Variants in RPTOR observed in about 807,000 individuals in gnomAD.
RPTOR encodes regulatory-associated protein of mTOR.
RPTOR carries 21 observed loss-of-function variants against 169.9 expected under a neutral mutation model. The observed-to-expected ratio is 0.12, with a 90% CI of 0.09 to 0.18. The LOEUF is 0.18. RPTOR is among the 10% of genes least tolerant of loss of function. The pLI is 1.00. For missense variants in RPTOR, 1,133 were observed against 1,855.9 expected, an observed-to-expected ratio of 0.61 and a Z score of 7.16; for synonymous variants, 732 against 753.2, an observed-to-expected ratio of 0.97 and a Z score of 0.46.
rs116827268 is a variant in RPTOR, at chr17:80,564,656, T to C, written c.162+18865T>C. Reference sequence around the variant, plus strand: ...CAGGTTTGTTATATAGGTGAACTCATGTCACAGAGGTTTGTGTACAGATTG... The same window carrying C: ...CAGGTTTGTTATATAGGTGAACTCACGTCACAGAGGTTTGTGTACAGATTG... On this transcript the variant is annotated intron_variant, in intron 1 of 33. Transcript: ENST00000306801. Among the ~76,000 whole-genome samples, 1,136 of 150,958 alleles carry C rather than the reference T, an allele frequency of 7.5e-3. 23 individuals carry two copies. Among genetic ancestry groups the C allele is most frequent in the African/African-American group, 0.027 (1,089 of 41,024 alleles).
chr17:80,692,194 C>T (rs909868407), intron 3 of RPTOR, among the ~76,000 whole-genome samples: 3 of 152,294 alleles, frequency 2.0e-5, no homozygotes, highest in African/African-American at 7.2e-5. Flanking sequence ...TCACTGCAGC[C>T]TCAACCTCCT....
chr17:80,545,821 C>A, intron 1 of RPTOR, 30 bp downstream of exon 1: 1 of 1,534,184 alleles, frequency 6.5e-7, no homozygotes. Flanking sequence ...ACCCCTTGAA[C>A]TTGGTAGTTT....
intron 2 of RPTOR, among the ~76,000 whole-genome samples, chr17:80,634,818 T>TGC (rs1328192537): frequency 1.3e-5 from 2 of 148,744 alleles, no homozygotes; most frequent in Admixed American, 1.3e-4. Context: ...ACTGTGTGTG[T>TGC]GCATACTGTG....
chr17:80,548,760 T>C (rs2084310063), intron 1 of RPTOR, among the ~76,000 whole-genome samples: 1 of 152,174 alleles, frequency 6.6e-6, no homozygotes, highest in African/African-American at 2.4e-5. Flanking sequence ...GTGCTGGACG[T>C]AGCCTCCAGT....
At chr17:80,728,446 G>GGTGTGTGTGTGTGTGT (rs71367012) in intron 4 of RPTOR, among the ~76,000 whole-genome samples, 2,613 of 148,236 alleles carry the variant, frequency 0.018, 44 homozygotes, top group Non-Finnish European at 0.025. Flanking sequence ...TCCACTCTGG[G>GGTGTGTGTGTGTGTGT]GTGTGTGTGT....
intron 1 of RPTOR, among the ~76,000 whole-genome samples, chr17:80,563,776 C>T (rs1426717000): frequency 6.6e-6 from 1 of 152,148 alleles, no homozygotes; most frequent in African/African-American, 2.4e-5. Flanking sequence ...AACACTCTCA[C>T]AACCAGATCC....
At chr17:80,741,558 G>T (rs1598270638) in intron 5 of RPTOR, among the ~76,000 whole-genome samples, 1 of 152,256 alleles carries the variant, frequency 6.6e-6, no homozygotes, top group South Asian at 2.1e-4. Context: ...AGGGTGGATG[G>T]AGGTCTTGGG....
chr17:80,582,541 CTTTTTTTTTTT>C (rs5822359), intron 1 of RPTOR, among the ~76,000 whole-genome samples: 1 of 86,866 alleles, frequency 1.2e-5, no homozygotes, highest in African/African-American at 4.7e-5. Flanking sequence ...GACAAATGGG[CTTTTTTTTTTT>C]TTTTTTTTTT....
Position 80,960,129 on chromosome 17 carries a change from C to T in RPTOR, c.3529C>T (p.His1177Tyr). Residue 1177 changes from histidine (H) to tyrosine (Y), a missense_variant, in exon 30 of 34, where the codon CAC becomes TAC. His to Tyr is a moderately conservative substitution (Grantham distance 83, BLOSUM62 2). This residue lies in a region of RPTOR where 410 missense variants were observed against 623.7 expected (regional missense o/e 0.66). Transcript: ENST00000306801. The surrounding 1 kb of genome is among the most constrained non-coding windows in gnomAD (Gnocchi z 4.8). ...TGTGACGAGTCTGTCCTGTGATTCC[C>T]ACCGCTCACTCATCGTGGCTGGCCT... ...SCVTSLSCDSHRSLIVAGLGD... is the reference protein window; with the variant it reads ...SCVTSLSCDSYRSLIVAGLGD... The T allele has an allele frequency of 6.2e-7, 1 of 1,613,710 alleles. No individual in the cohort carries two copies. The highest frequency in any genetic ancestry group is 1.3e-5 in the African/African-American group (1 of 75,046).
At chr17:80,875,582 G>C (rs1041774772) in intron 13 of RPTOR, among the ~76,000 whole-genome samples, 3 of 152,230 alleles carry the variant, frequency 2.0e-5, no homozygotes, top group Non-Finnish European at 4.4e-5. Flanking sequence ...AGCACAGCAA[G>C]ATGGAGCCTG....
intron 3 of RPTOR, among the ~76,000 whole-genome samples, chr17:80,654,160 C>A (rs1043278455): frequency 6.6e-5 from 10 of 152,206 alleles, no homozygotes; most frequent in African/African-American, 2.4e-4. Context: ...GTGATGGTGG[C>A]CCCTAGGCCA....
intron 6 of RPTOR, among the ~76,000 whole-genome samples, chr17:80,762,983 G>C (rs992060748): frequency 6.6e-6 from 1 of 152,224 alleles, no homozygotes; most frequent in Non-Finnish European, 1.5e-5. Flanking sequence ...CATGATTCTT[G>C]TGTTGGTTAA....
chr17:80,938,588 C>T (rs775995038), intron 24 of RPTOR, among the ~76,000 whole-genome samples: 1 of 152,186 alleles, frequency 6.6e-6, no homozygotes, highest in Admixed American at 6.5e-5. Context: ...TCCCATTTGC[C>T]GTTGCGGGAT....
At chr17:80,753,934 T>C (rs12944923) in intron 5 of RPTOR, 76 bp from the exon 6 acceptor site, 293,041 of 1,311,810 alleles carry the variant, frequency 0.22, 34,804 homozygotes, top group East Asian at 0.27. Context: ...CCTTCTGTGT[T>C]ACAGCTGCAG....
intron 7 of RPTOR, among the ~76,000 whole-genome samples, chr17:80,799,795 G>A (rs1471819189): frequency 2.6e-5 from 4 of 151,578 alleles, no homozygotes; most frequent in African/African-American, 7.3e-5. Context: ...GGCGACCCTC[G>A]TTGGGAGCGT....
At chr17:80,620,875 C>CT in intron 1 of RPTOR, among the ~76,000 whole-genome samples, 1 of 152,336 alleles carries the variant, frequency 6.6e-6, no homozygotes, top group Non-Finnish European at 1.5e-5. Context: ...ATAGTACTGT[C>CT]TTTTGCCCAG....
intron 28 of RPTOR, among the ~76,000 whole-genome samples, chr17:80,950,471 G>T (rs1321207754): frequency 6.6e-6 from 1 of 152,090 alleles, no homozygotes; most frequent in Non-Finnish European, 1.5e-5. Context: ...CATGGGGGCA[G>T]CTCCAGGGTG....
intron 3 of RPTOR, among the ~76,000 whole-genome samples, chr17:80,662,065 G>A (rs1049661451): frequency 6.6e-6 from 1 of 152,124 alleles, no homozygotes; most frequent in Admixed American, 6.5e-5. Flanking sequence ...CTATTTATGT[G>A]TAGTAAAATG....
chr17:80,656,593 A>G (rs970987862), intron 3 of RPTOR, among the ~76,000 whole-genome samples: 1 of 152,208 alleles, frequency 6.6e-6, no homozygotes, highest in Admixed American at 6.5e-5. Context: ...TAGGCAACTA[A>G]TTTAAAATAC....
Sources: gnomAD v4.1 joint callset for allele counts (sites outside exome capture counted in the v4.1 genomes callset) on GRCh38, gnomAD v4.1.1 for gene constraint, gnomAD v4.1.1 regional missense constraint, Gnocchi (gnomAD v3.1) non-coding constraint, MANE v1.5 for transcripts, NCBI Gene and HGNC (gene_info 2026-07-23, HGNC 2026-07-21) for gene names.